Variants in PRKCA observed in about 807,000 individuals in gnomAD.
PRKCA encodes the protein protein kinase C alpha type.
In PRKCA, 27 loss-of-function variants were observed where a neutral mutation model predicts 87.0. That is an observed-to-expected ratio of 0.31 (90% confidence interval 0.23 to 0.43). The LOEUF is 0.43. Among genes scored for constraint, PRKCA ranks in the 20% least tolerant of loss-of-function variants. PRKCA has a pLI of 1.00. For synonymous variants in PRKCA, 329 were observed against 311.1 expected (o/e 1.06, Z -0.61); for missense variants, 518 against 852.3 (o/e 0.61, Z 4.88).
intron 2 of PRKCA, among the ~76,000 whole-genome samples, chr17:66,424,568 A>ACACACACACACACAC (rs1598660738): frequency 8.1e-4 from 115 of 142,052 alleles, no homozygotes; most frequent in East Asian, 1.0e-3. Context: ...CCCTGTCTCA[A>ACACACACACACACAC]ACACACACAC....
At chr17:66,384,040 T>A (rs928738733) in intron 2 of PRKCA, among the ~76,000 whole-genome samples, 6 of 152,222 alleles carry the variant, frequency 3.9e-5, no homozygotes, top group Non-Finnish European at 5.9e-5. Context: ...TTTCCTATTT[T>A]TTATGAGTTA....
chr17:66,587,996 C>T (rs1009265683), intron 3 of PRKCA, among the ~76,000 whole-genome samples: 1 of 149,778 alleles, frequency 6.7e-6, no homozygotes, highest in African/African-American at 2.4e-5. Context: ...GGGGTGTACT[C>T]AGAAGGGGAA....
chr17:66,580,600 G>A (rs987461907), intron 3 of PRKCA, among the ~76,000 whole-genome samples: 1 of 152,184 alleles, frequency 6.6e-6, no homozygotes, highest in African/African-American at 2.4e-5. Flanking sequence ...ACATAAGAAA[G>A]TTGTCCGTGT....
chr17:66,611,554 G>A (rs557804626), intron 3 of PRKCA, among the ~76,000 whole-genome samples: 1 of 152,234 alleles, frequency 6.6e-6, no homozygotes, highest in African/African-American at 2.4e-5. Flanking sequence ...TCCATTGTAT[G>A]GGTGTACCAC....
At chr17:66,753,211 G>C (rs1974475350) in intron 13 of PRKCA, among the ~76,000 whole-genome samples, 1 of 152,176 alleles carries the variant, frequency 6.6e-6, no homozygotes, top group South Asian at 2.1e-4. Flanking sequence ...TCTCCTTATA[G>C]GGTTAGAGTC....
rs532941995 is a variant in PRKCA at position 66,635,113 on chromosome 17, G to A, written c.289-6242G>A. On this transcript the variant is annotated intron_variant, in intron 3 of 16. Transcript: ENST00000413366. ...TTCAGCAGGTGGAGTCCTGGCAGGT[G>A]GAGGCAGCAGCCGAAATGAAGACAC... is the stretch of plus-strand genomic sequence containing the variant. 9.3e-4 allele frequency among the ~76,000 whole-genome samples: 141 copies of A among 152,304 alleles called. 1 individual carries two copies. The highest frequency in any genetic ancestry group is 3.3e-3 in the African/African-American group (138 of 41,576).
intron 2 of PRKCA, among the ~76,000 whole-genome samples, chr17:66,344,965 T>A (rs1473165365): frequency 6.6e-6 from 1 of 152,176 alleles, no homozygotes; most frequent in Non-Finnish European, 1.5e-5. Flanking sequence ...GCATTCAGAT[T>A]TTTACTGAAA....
rs563128771 is a variant in PRKCA at position 66,773,851 on chromosome 17, C to T, written c.1525-136C>T. ...GATTTGAAGGGTCCTCTTCCCTTGG[C>T]GTAACATCAAAGACAGATCTTAGCA... On this transcript the variant is annotated intron_variant, in intron 13 of 16. Coordinates refer to ENST00000413366, the MANE Select transcript of PRKCA (RefSeq NM_002737.3). 35 of 1,405,682 alleles carry T rather than the reference C, an allele frequency of 2.5e-5. No homozygotes were observed. In the African/African-American group the frequency reaches 2.6e-4, roughly 10 times the overall value. The allele number at this position is 1,405,682 out of a possible 1,614,324, so 87.1% of individuals were successfully genotyped here.
At chr17:66,645,141 G>A (rs1259136333) in intron 4 of PRKCA, among the ~76,000 whole-genome samples, 1 of 152,158 alleles carries the variant, frequency 6.6e-6, no homozygotes, top group Non-Finnish European at 1.5e-5. Context: ...GCCCAAGCTG[G>A]GATATTTTGC....
At chr17:66,649,724 C>A (rs76796404) in intron 5 of PRKCA, among the ~76,000 whole-genome samples, 1,855 of 152,210 alleles carry the variant, frequency 0.012, 45 homozygotes, top group African/African-American at 0.042. Flanking sequence ...TTTGAGGTCA[C>A]GGAAGGTCCA....
At chr17:66,522,260 C>A (rs557149056) in intron 3 of PRKCA, among the ~76,000 whole-genome samples, 4 of 152,348 alleles carry the variant, frequency 2.6e-5, no homozygotes, top group African/African-American at 7.2e-5. Flanking sequence ...CCAGTGGAAC[C>A]TGACTATGGC....
chr17:66,684,805 C>T (rs1357942254), intron 5 of PRKCA, among the ~76,000 whole-genome samples: 1 of 152,180 alleles, frequency 6.6e-6, no homozygotes, highest in Non-Finnish European at 1.5e-5. Context: ...TTTGGCTTAT[C>T]CAGGATGTGA....
rs1166631550 is a variant in PRKCA, at chr17:66,738,866, T to C, written c.1322+11T>C. ...GGAACCACAAGCAGTGTGAGTATTA[T>C]TTTTTAAGTCCTTTAATTTGAACAA... is the stretch of plus-strand genomic sequence containing the variant. On this transcript the variant is annotated intron_variant, in intron 11 of 16. Transcript: ENST00000413366. 6.2e-7 allele frequency: 1 copy of C among 1,600,954 alleles called. No individual in the cohort carries two copies. The highest frequency in any genetic ancestry group is 8.6e-7 in the Non-Finnish European group (1 of 1,168,418).
At chr17:66,520,651 A>AT (rs34073246) in intron 3 of PRKCA, among the ~76,000 whole-genome samples, 8,760 of 152,214 alleles carry the variant, frequency 0.058, 308 homozygotes, top group South Asian at 0.11. Flanking sequence ...GTTAGCAACC[A>AT]TTTTTCCCCT....
chr17:66,574,031 CCTG>C (rs1256193384), intron 3 of PRKCA, among the ~76,000 whole-genome samples: 40 of 152,088 alleles, frequency 2.6e-4, no homozygotes, highest in Non-Finnish European at 5.4e-4. Flanking sequence ...AAAACAAGAT[CCTG>C]CTTATTAAGT....
At chr17:66,562,144 TATAATTA>T (rs1968720866) in intron 3 of PRKCA, among the ~76,000 whole-genome samples, 1 of 85,484 alleles carries the variant, frequency 1.2e-5, no homozygotes, top group Admixed American at 1.2e-4. Flanking sequence ...AAATTATATA[TATAATTA>T]AATTATATAT....
chr17:66,645,516 G>A lies in PRKCA; in HGVS notation c.529+5G>A. 1 of 1,614,176 alleles carries A rather than the reference G, an allele frequency of 6.2e-7. No individual in the cohort carries two copies. Among genetic ancestry groups the A allele is most frequent in the East Asian group, 2.2e-5 (1 of 44,878 alleles). On this transcript the variant is annotated splice_donor_5th_base_variant and intron_variant, in intron 5 of 16. Transcript: ENST00000413366. ...ATGAAAAGCTCCATGTCACAGGTAA[G>A]GCTTGCTCATCCCGGAGCAGCATCG...
At chr17:66,335,606 G>T (rs1475777961) in intron 2 of PRKCA, among the ~76,000 whole-genome samples, 1 of 151,686 alleles carries the variant, frequency 6.6e-6, no homozygotes. Flanking sequence ...AAAAAGAACT[G>T]TGTGCTTAAA....
intron 2 of PRKCA, among the ~76,000 whole-genome samples, chr17:66,434,077 G>T (rs925079031): frequency 1.4e-4 from 21 of 151,954 alleles, no homozygotes; most frequent in African/African-American, 4.6e-4. Flanking sequence ...CTCAGCCTGA[G>T]CTCTTTCTCT....
Sources: allele counts gnomAD v4.1 joint callset (sites outside exome capture counted in the v4.1 genomes callset), GRCh38; gene constraint gnomAD v4.1.1; transcripts MANE v1.5; gene names NCBI Gene and HGNC (gene_info 2026-07-23, HGNC 2026-07-21).